The following RSPO3 variants were observed in gnomAD, a reference collection of about 807,000 sequenced individuals.
The protein encoded by RSPO3 is R-spondin 3, also known as R-spondin-3.
Under a neutral mutation model 36.5 loss-of-function variants are expected in RSPO3, and 17 were observed. The ratio of observed to expected loss-of-function variants is 0.47; its 90% CI spans 0.32 to 0.70. The LOEUF (loss-of-function observed/expected upper bound fraction) is 0.70. Among genes scored for constraint, RSPO3 ranks in the 30% least tolerant of loss-of-function variants. RSPO3 has a pLI of 0.04. For missense variants in RSPO3, 294 were observed against 322.5 expected (o/e 0.91, Z 0.68); for synonymous variants, 108 against 107.0 (o/e 1.01, Z -0.06).
chr6:127,146,070 C>T (rs1458775283), intron 1 of RSPO3, among the ~76,000 whole-genome samples: 3 of 152,090 alleles, frequency 2.0e-5, no homozygotes, highest in Non-Finnish European at 2.9e-5. Flanking sequence ...AAAATCTAGA[C>T]TCATTGAATC....
chr6:127,182,529 G>A (rs568566366), intron 4 of RSPO3, among the ~76,000 whole-genome samples: 1 of 151,908 alleles, frequency 6.6e-6, no homozygotes, highest in Non-Finnish European at 1.5e-5. Flanking sequence ...TGTTCTTAGA[G>A]ATTGAGTAAG....
chr6:127,155,989 A>C (rs1774590804), intron 4 of RSPO3, among the ~76,000 whole-genome samples: 1 of 151,764 alleles, frequency 6.6e-6, no homozygotes, highest in African/African-American at 2.4e-5. Flanking sequence ...TGCAACCTCA[A>C]ACTCCCAGGC....
chr6:127,131,388 G>A (rs1774052526), intron 1 of RSPO3, among the ~76,000 whole-genome samples: 1 of 152,092 alleles, frequency 6.6e-6, no homozygotes, highest in Non-Finnish European at 1.5e-5. Context: ...CCTCTGAACT[G>A]AGTATGTGCT....
chr6:127,147,325 G>A (rs886808183), intron 1 of RSPO3, among the ~76,000 whole-genome samples: 1 of 152,120 alleles, frequency 6.6e-6, no homozygotes, highest in African/African-American at 2.4e-5. Context: ...ATAACCAAAC[G>A]TCACTGTAAA....
chr6:127,191,922 T>C (rs1562255988), intron 4 of RSPO3, among the ~76,000 whole-genome samples: 1 of 152,164 alleles, frequency 6.6e-6, no homozygotes, highest in Non-Finnish European at 1.5e-5. Flanking sequence ...ATATTCTATA[T>C]ATAGACTCTG....
intron 3 of RSPO3, among the ~76,000 whole-genome samples, chr6:127,153,431 C>A (rs1232438028): frequency 6.6e-6 from 1 of 151,824 alleles, no homozygotes; most frequent in African/African-American, 2.4e-5. Context: ...AAATTCACCT[C>A]ATTTCATGGT....
At chr6:127,133,730 A>G (rs1166910894) in intron 1 of RSPO3, among the ~76,000 whole-genome samples, 2 of 152,132 alleles carry the variant, frequency 1.3e-5, no homozygotes, top group Non-Finnish European at 2.9e-5. Flanking sequence ...ACAAGGCAAA[A>G]AAGGAATCTT....
rs541504839 is a variant in RSPO3, at chr6:127,130,000, A to C, written c.97+10711A>C. On this transcript the variant is annotated intron_variant, in intron 1 of 4. Coordinates refer to ENST00000356698, the MANE Select transcript of RSPO3 (RefSeq NM_032784.5). ...ACATTATATCAGACAAGCAATTCTA[A>C]AATATCTGGAGCTAGAACAAACTTA... 1.1e-4 allele frequency among the ~76,000 whole-genome samples: 17 copies of C among 152,260 alleles called. 1 individual carries two copies. The Middle Eastern group carries it at 0.014, about 122-fold the overall frequency.
intron 4 of RSPO3, among the ~76,000 whole-genome samples, chr6:127,156,952 C>A (rs1426279587): frequency 6.6e-6 from 1 of 152,060 alleles, no homozygotes; most frequent in Non-Finnish European, 1.5e-5. Flanking sequence ...CCTGTTTCTG[C>A]CATTCTAATC....
intron 1 of RSPO3, among the ~76,000 whole-genome samples, chr6:127,121,639 G>A (rs1170819695): frequency 1.3e-5 from 2 of 152,186 alleles, no homozygotes; most frequent in African/African-American, 4.8e-5. Context: ...ACTTAAGGAG[G>A]AAGGAGTGGA....
At chr6:127,129,501 A>G (rs573395203) in intron 1 of RSPO3, among the ~76,000 whole-genome samples, 1 of 152,200 alleles carries the variant, frequency 6.6e-6, no homozygotes, top group Admixed American at 6.5e-5. Flanking sequence ...TAGACTGAAG[A>G]AAGCCAGGCT....
chr6:127,121,362 C>A (rs1015264454), intron 1 of RSPO3, among the ~76,000 whole-genome samples: 6 of 152,236 alleles, frequency 3.9e-5, no homozygotes, highest in African/African-American at 1.4e-4. Flanking sequence ...AGGCAAACTG[C>A]TTTTCGACCT....
intron 4 of RSPO3, among the ~76,000 whole-genome samples, chr6:127,156,262 CA>C (rs1408133169): frequency 8.5e-5 from 13 of 152,074 alleles, no homozygotes; most frequent in Admixed American, 7.9e-4. Context: ...GACCAGATTA[CA>C]GAACCTATTC....
intron 4 of RSPO3, among the ~76,000 whole-genome samples, chr6:127,182,064 A>AAGAG (rs1400956497): frequency 6.6e-6 from 1 of 151,836 alleles, no homozygotes; most frequent in Non-Finnish European, 1.5e-5. Flanking sequence ...TAGAGAAGAA[A>AAGAG]AGAGAGAGTG....
intron 4 of RSPO3, among the ~76,000 whole-genome samples, chr6:127,172,849 G>A (rs1774968323): frequency 6.6e-6 from 1 of 151,702 alleles, no homozygotes; most frequent in Non-Finnish European, 1.5e-5. Context: ...CAAAGACCAG[G>A]ACTCACACTC....
At chr6:127,192,794 G>A (rs1775439349) in intron 4 of RSPO3, 1 of 588,840 alleles carries the variant, frequency 1.7e-6, no homozygotes, top group Non-Finnish European at 2.1e-6. Flanking sequence ...ATATGTGTGT[G>A]TATATATGTC....
At chr6:127,148,860 G>T (rs1455470047) in intron 2 of RSPO3, 21 bp downstream of exon 2, 2 of 1,579,846 alleles carry the variant, frequency 1.3e-6, no homozygotes, top group East Asian at 2.2e-5. Context: ...ACACGAAATT[G>T]TATTTTTATC....
intron 1 of RSPO3, 152 bp downstream of exon 1, chr6:127,119,441 G>C: frequency 3.1e-6 from 2 of 637,056 alleles, no homozygotes; most frequent in Non-Finnish European, 5.6e-6. Context: ...GGGTATGGAC[G>C]GCGTCTTTCA....
intron 1 of RSPO3, among the ~76,000 whole-genome samples, 167 bp downstream of exon 1, chr6:127,119,456 T>G (rs1773790512): frequency 6.6e-6 from 1 of 152,192 alleles, no homozygotes; most frequent in South Asian, 2.1e-4. Context: ...CTTTCACCCT[T>G]GCCTCTCGGC....
Sources: gnomAD v4.1 joint callset for allele counts (sites outside exome capture counted in the v4.1 genomes callset) on GRCh38, gnomAD v4.1.1 for gene constraint, MANE v1.5 for transcripts, NCBI Gene and HGNC (gene_info 2026-07-23, HGNC 2026-07-21) for gene names.